PYCR1: variants seen among roughly 807,000 people sequenced by gnomAD.
PYCR1 encodes pyrroline-5-carboxylate reductase 1.
PYCR1 carries 19 observed loss-of-function variants against 22.9 expected under a neutral mutation model. The observed-to-expected ratio is 0.83, with a 90% confidence interval of 0.58 to 1.22. The LOEUF (loss-of-function observed/expected upper bound fraction) is 1.22. PYCR1 is among the 50% of genes most tolerant of loss of function. PYCR1 has a pLI of 0.00. For missense variants in PYCR1, 429 were observed against 431.3 expected (o/e 0.99, Z 0.05); for synonymous variants, 175 against 180.5 (o/e 0.97, Z 0.24).
chr17:81,933,382 G>A lies in PYCR1; in HGVS notation c.798-6C>T, dbSNP rs763519359. The A allele has an allele frequency of 5.9e-5, 95 of 1,613,356 alleles. No individual in the cohort carries two copies. Among genetic ancestry groups the A allele is most frequent in the Non-Finnish European group, 7.9e-5 (93 of 1,179,934 alleles). On this transcript the variant is annotated splice_region_variant and splice_polypyrimidine_tract_variant and intron_variant, in intron 6 of 6. Transcript: ENST00000329875. ...CAGCCATGGACTGCAGCTCCCTAGA[G>A]AGGCAGGGAGAGGTTGGCTTTGGAG...
rs2041224742 is a variant in PYCR1 at position 81,937,185 on chromosome 17, C to T, written c.-371G>A. The T allele has an allele frequency of 1.4e-6, 2 of 1,474,098 alleles. No homozygotes were observed. Among genetic ancestry groups the T allele is most frequent in the African/African-American group, 2.9e-5 (2 of 70,174 alleles). The allele number at this position is 1,474,098 out of a possible 1,614,324, so 91.3% of individuals were successfully genotyped here. ...CCCGCCCAGAACTGGGCTACCGTCG[C>T]GCCCCACCCGGCGACCGCCGCCCAC... On this transcript the variant is annotated 5_prime_UTR_variant, in exon 1 of 7. Transcript: ENST00000329875.
chr17:81,934,223 T>G (rs760420811), intron 6 of PYCR1, 103 bp downstream of exon 6: 6 of 1,520,102 alleles, frequency 3.9e-6, no homozygotes, highest in African/African-American at 1.4e-5. Context: ...GGGCTGGAGC[T>G]CAATACGTAT....
chr17:81,932,730 C>A lies in PYCR1; in HGVS notation c.*484G>T. 1 of 1,165,892 alleles carries A rather than the reference C, an allele frequency of 8.6e-7. No individual in the cohort carries two copies. Among genetic ancestry groups the A allele is most frequent in the Non-Finnish European group, 1.2e-6 (1 of 820,846 alleles). The allele number at this position is 1,165,892 out of a possible 1,614,324, so 72.2% of individuals were successfully genotyped here. A position where few individuals can be genotyped will look rare whatever the true frequency, so the allele number is the denominator to read the frequency against. ...GCAGCCAAGAGGGGCTGTGGCCCTT[C>A]ACGCTGGACTTGGGATGCCTGGACC... On this transcript the variant is annotated 3_prime_UTR_variant, in exon 7 of 7. Coordinates refer to ENST00000329875, the MANE Select transcript of PYCR1 (RefSeq NM_006907.4).
At chr17:81,936,068 T>G in intron 2 of PYCR1, 55 bp downstream of exon 2, 1 of 1,595,034 alleles carries the variant, frequency 6.3e-7, no homozygotes, top group South Asian at 1.1e-5. Context: ...CTCCTGCCTC[T>G]CACACCCAGC....
intron 6 of PYCR1, 124 bp downstream of exon 6, chr17:81,934,202 T>C: frequency 6.9e-7 from 1 of 1,441,002 alleles, no homozygotes; most frequent in Non-Finnish European, 9.5e-7. Flanking sequence ...CCCTGTGTCC[T>C]GCGCAACACT....
intron 6 of PYCR1, among the ~76,000 whole-genome samples, chr17:81,934,044 C>A (rs2041077141): frequency 1.3e-5 from 2 of 152,192 alleles, no homozygotes; most frequent in African/African-American, 4.8e-5. Flanking sequence ...GCCCCTGGCT[C>A]AAATGACACT....
At chr17:81,936,668 C>T in intron 1 of PYCR1, 80 bp downstream of exon 1, 1 of 1,491,572 alleles carries the variant, frequency 6.7e-7, no homozygotes, top group Non-Finnish European at 9.1e-7. Context: ...CAGCACCCAC[C>T]TTCAGCCCCC....
chr17:81,933,374 T>A lies in PYCR1; in HGVS notation c.800A>T (p.Glu267Val), dbSNP rs901236548. The A allele has an allele frequency of 6.2e-7, 1 of 1,613,586 alleles. No individual in the cohort carries two copies. Among genetic ancestry groups the A allele is most frequent in the African/African-American group, 1.3e-5 (1 of 74,978 alleles). The part of the protein sequence containing the change: ...AVEASCIRTR[E>V]LQSMADQEQV... Reference sequence around the variant, plus strand: ...CTCCTGGTCAGCCATGGACTGCAGCTCCCTAGAGAGGCAGGGAGAGGTTGG... The same window carrying A: ...CTCCTGGTCAGCCATGGACTGCAGCACCCTAGAGAGGCAGGGAGAGGTTGG... The change falls in exon 7 of 7, where the codon GAG becomes GTG. Residue 267 changes from glutamate to valine, a missense_variant and splice_region_variant. Glu to Val is a moderately radical substitution (Grantham distance 121, BLOSUM62 -2). Transcript: ENST00000329875.
Position 81,935,110 on chromosome 17 carries a change from C to G in PYCR1, c.356G>C (p.Arg119Pro), listed in dbSNP as rs121918377. ...SAFRPAPRVI[R>P]CMTNTPVVVR... ...CACGACTGGAGTGTTGGTCATGCAG[C>G]GGATGACCCTGGGGGCTGGCCGAAA... is the stretch of plus-strand genomic sequence containing the variant. The change falls in exon 4 of 7, where the codon CGC becomes CCC. Residue 119 changes from arginine (R) to proline (P), a missense_variant. By Grantham distance (103) the Arg-to-Pro change is moderately radical (BLOSUM62 -2). Coordinates refer to ENST00000329875, the MANE Select transcript of PYCR1 (RefSeq NM_006907.4). 6.2e-7 allele frequency: 1 copy of G among 1,609,702 alleles called. No homozygotes were observed. Among genetic ancestry groups the G allele is most frequent in the Non-Finnish European group, 8.5e-7 (1 of 1,179,942 alleles).
Position 81,932,785 on chromosome 17 carries a change from G to T in PYCR1, c.*429C>A. 6.7e-7 allele frequency: 1 copy of T among 1,485,770 alleles called. No individual in the cohort carries two copies. The highest frequency in any genetic ancestry group is 9.1e-7 in the Non-Finnish European group (1 of 1,099,020). 92.0% of individuals were successfully genotyped at this position (1,485,770 alleles called of 1,614,324 possible). ...GGCCCTTCTCACACGGGAAGGAGAGGTTTCTCCCTGAATGGAGGGCAGGGA... is the reference window on the plus strand; with the variant it reads ...GGCCCTTCTCACACGGGAAGGAGAGTTTTCTCCCTGAATGGAGGGCAGGGA... On this transcript the variant is annotated 3_prime_UTR_variant, in exon 7 of 7. Transcript: ENST00000329875.
At position 81,936,862 on chromosome 17, in the gene PYCR1, C is replaced by G. The variant is rs376495113; in HGVS notation, c.-48G>C. On this transcript the variant is annotated 5_prime_UTR_variant, in exon 1 of 7. Coordinates refer to ENST00000329875, the MANE Select transcript of PYCR1 (RefSeq NM_006907.4). ...AAAGCCCCCACAGATGGCACCGGCTCTGCGGGACGAGACCGGCAGGATCGA... is the reference window on the plus strand; with the variant it reads ...AAAGCCCCCACAGATGGCACCGGCTGTGCGGGACGAGACCGGCAGGATCGA... The G allele has an allele frequency of 2.5e-4, 400 of 1,581,182 alleles. No individual in the cohort carries two copies. Among genetic ancestry groups the G allele is most frequent in the Non-Finnish European group, 3.3e-4 (383 of 1,165,176 alleles).
chr17:81,936,383 A>G (rs113417116), intron 1 of PYCR1, among the ~76,000 whole-genome samples, 190 bp from the exon 2 acceptor site: 2,011 of 151,900 alleles, frequency 0.013, 33 homozygotes, highest in South Asian at 0.057. Flanking sequence ...CCGCCACCAC[A>G]CCCGGCTAAT....
rs1055243305 is a variant in PYCR1, at chr17:81,937,295, A to C, written c.-481T>G. ...GCTGCGGCCGCCACGCGGCACCCGC[A>C]CCCAGGCCCCGCCCCCGTCGCGCCA... On this transcript the variant is annotated 5_prime_UTR_variant, in exon 1 of 7. Transcript: ENST00000329875. 158 of 1,087,896 alleles carry C rather than the reference A, an allele frequency of 1.5e-4. 1 individual carries two copies. The highest frequency in any genetic ancestry group is 1.7e-4 in the Non-Finnish European group (148 of 855,662). The allele number at this position is 1,087,896 out of a possible 1,614,324, so 67.4% of individuals were successfully genotyped here.
chr17:81,934,748 G>T lies in PYCR1; in HGVS notation c.541-3C>A. On this transcript the variant is annotated splice_region_variant and splice_polypyrimidine_tract_variant and intron_variant, in intron 4 of 6. Coordinates refer to ENST00000329875, the MANE Select transcript of PYCR1 (RefSeq NM_006907.4). Reference sequence around the variant, plus strand: ...AGGGCATCCAGGGCTGTGAATGCCTGTGGGGAGAAGGCACCCTGAGCCTCT... The same window carrying T: ...AGGGCATCCAGGGCTGTGAATGCCTTTGGGGAGAAGGCACCCTGAGCCTCT... 6.4e-7 allele frequency: 1 copy of T among 1,552,808 alleles called. No homozygotes were observed. Among genetic ancestry groups the T allele is most frequent in the East Asian group, 2.4e-5 (1 of 41,078 alleles).
At position 81,937,095 on chromosome 17, in the gene PYCR1, G is replaced by C; in HGVS notation, c.-281C>G. 7.7e-6 allele frequency: 11 copies of C among 1,430,762 alleles called. No homozygotes were observed. Among genetic ancestry groups the C allele is most frequent in the Non-Finnish European group, 1.0e-5 (11 of 1,095,798 alleles). The allele number at this position is 1,430,762 out of a possible 1,614,324, so 88.6% of individuals were successfully genotyped here. ...GAGGTTCCGCAGAAGAAATGACTGG[G>C]AAGGGGGAAAAGTACGGGGAGAGGG... On this transcript the variant is annotated 5_prime_UTR_variant, in exon 1 of 7. Coordinates refer to ENST00000329875, the MANE Select transcript of PYCR1 (RefSeq NM_006907.4).
rs370659872 is a variant in PYCR1, at chr17:81,937,130, C to A, written c.-316G>T. On this transcript the variant is annotated 5_prime_UTR_variant, in exon 1 of 7. Transcript: ENST00000329875. ...AAGTACGGGGAGAGGGAGGGCCCGG[C>A]GCCTAGGGGTCCCCCGTCTGGGTTC... The A allele has an allele frequency of 3.5e-6, 5 of 1,430,560 alleles. No homozygotes were observed. The highest frequency in any genetic ancestry group is 5.1e-5 in the East Asian group (2 of 39,238). 88.6% of individuals were successfully genotyped at this position (1,430,560 alleles called of 1,614,324 possible).
chr17:81,935,810 T>C (rs773132634), intron 2 of PYCR1, among the ~76,000 whole-genome samples: 3 of 152,170 alleles, frequency 2.0e-5, no homozygotes, highest in Non-Finnish European at 4.4e-5. Flanking sequence ...GTGGGAGTGG[T>C]GGTCTCAAGC....
At position 81,935,512 on chromosome 17, in the gene PYCR1, A is replaced by G; in HGVS notation, c.143T>C (p.Met48Thr). ...GTTGTGGGGTGTCAACTTCACCCCC[A>G]TCTTCTGCAGGGGCAACAGGTGGGC... is the stretch of plus-strand genomic sequence containing the variant. ...DLATVSALRKMGVKLTPHNKE... is the reference protein window; with the variant it reads ...DLATVSALRKTGVKLTPHNKE... The change falls in exon 3 of 7, where the codon ATG becomes ACG. Residue 48 changes from methionine to threonine, a missense_variant. By Grantham distance (81) the Met-to-Thr change is moderately conservative. Coordinates refer to ENST00000329875, the MANE Select transcript of PYCR1 (RefSeq NM_006907.4). 6.2e-7 allele frequency: 1 copy of G among 1,607,530 alleles called. No individual in the cohort carries two copies. The highest frequency in any genetic ancestry group is 1.3e-5 in the African/African-American group (1 of 74,882).
chr17:81,933,354 G>A lies in PYCR1; in HGVS notation c.820C>T (p.Gln274Ter), dbSNP rs767043460. 3 of 1,613,826 alleles carry A rather than the reference G, an allele frequency of 1.9e-6. No homozygotes were observed. The Admixed American group carries it at 5.0e-5, about 27-fold the overall frequency. The change falls in exon 7 of 7, where the codon CAG becomes TAG. Residue 274 changes from glutamine (Q) to a stop codon, truncating the protein, a stop_gained. Coordinates refer to ENST00000329875, the MANE Select transcript of PYCR1 (RefSeq NM_006907.4). LOFTEE classifies it low-confidence loss of function (END_TRUNC). ...ATGGCGGCTGGTGACACCTGCTCCT[G>A]GTCAGCCATGGACTGCAGCTCCCTA... is the stretch of plus-strand genomic sequence containing the variant. ...RTRELQSMAD[Q>*]EQVSPAAIKK...
Sources: gnomAD v4.1 joint callset for allele counts (sites outside exome capture counted in the v4.1 genomes callset) on GRCh38, gnomAD v4.1.1 for gene constraint, MANE v1.5 for transcripts, NCBI Gene and HGNC (gene_info 2026-07-23, HGNC 2026-07-21) for gene names.